The following PLXDC2 variants were observed in gnomAD, a reference collection of about 807,000 sequenced individuals.
The protein encoded by PLXDC2 is plexin domain-containing protein 2.
Under a neutral mutation model 68.9 loss-of-function variants are expected in PLXDC2, and 40 were observed. The observed-to-expected ratio is 0.58, with a 90% CI of 0.45 to 0.76. PLXDC2 has a LOEUF of 0.76. Ranked by LOEUF, PLXDC2 falls within the 30% of genes least tolerant of loss-of-function variation. The pLI is 0.00. For synonymous variants in PLXDC2, 243 were observed against 234.2 expected (o/e 1.04, Z -0.34); for missense variants, 644 against 661.9 (o/e 0.97, Z 0.30).
At chr10:19,946,612 A>G (rs10764179) in intron 1 of PLXDC2, among the ~76,000 whole-genome samples, 127,000 of 151,338 alleles carry the variant, frequency 0.84, 53,464 homozygotes, top group East Asian at 0.95. Context: ...CCAGAGACCG[A>G]TTTTGTGAAA....
intron 9 of PLXDC2, among the ~76,000 whole-genome samples, chr10:20,195,395 A>G (rs1196917437): frequency 6.6e-6 from 1 of 152,144 alleles, no homozygotes; most frequent in Non-Finnish European, 1.5e-5. Flanking sequence ...ATCAACCGTG[A>G]TTAGAAATAC....
At chr10:20,157,370 A>G (rs1311921892) in intron 6 of PLXDC2, among the ~76,000 whole-genome samples, 2 of 152,338 alleles carry the variant, frequency 1.3e-5, no homozygotes, top group East Asian at 1.9e-4. Flanking sequence ...CACATACTAT[A>G]CAATCAAACC....
intron 9 of PLXDC2, among the ~76,000 whole-genome samples, chr10:20,202,207 A>C (rs181733945): frequency 6.6e-6 from 1 of 152,182 alleles, no homozygotes; most frequent in African/African-American, 2.4e-5. Flanking sequence ...AAAAGGAATC[A>C]TTGCAACAAA....
chr10:20,058,530 A>G (rs9664243), intron 3 of PLXDC2, among the ~76,000 whole-genome samples: 35,643 of 152,156 alleles, frequency 0.23, 5,604 homozygotes, highest in African/African-American at 0.45. Context: ...AATACCTAGC[A>G]TAGTGTCCAA....
chr10:20,220,202 A>G (rs1835190943), intron 12 of PLXDC2, among the ~76,000 whole-genome samples: 1 of 152,216 alleles, frequency 6.6e-6, no homozygotes, highest in African/African-American at 2.4e-5. Flanking sequence ...AGAAATGATC[A>G]TCTGCAAAAT....
intron 1 of PLXDC2, among the ~76,000 whole-genome samples, chr10:19,981,908 T>C (rs568098177): frequency 6.6e-6 from 1 of 152,356 alleles, no homozygotes; most frequent in Admixed American, 6.5e-5. Flanking sequence ...ATTGTAAAGC[T>C]TTCTTGTGAA....
intron 1 of PLXDC2, among the ~76,000 whole-genome samples, chr10:19,981,660 G>T (rs74122128): frequency 0.025 from 3,830 of 152,284 alleles, 165 homozygotes; most frequent in African/African-American, 0.087. Context: ...AGTCAGGCTG[G>T]TGGGTGACAA....
intron 4 of PLXDC2, among the ~76,000 whole-genome samples, chr10:20,082,831 C>T (rs1836594475): frequency 6.6e-6 from 1 of 151,964 alleles, no homozygotes; most frequent in Non-Finnish European, 1.5e-5. Flanking sequence ...ACTGGGAACC[C>T]ATAGAGTAGA....
At chr10:19,856,618 C>T (rs1198784105) in intron 1 of PLXDC2, among the ~76,000 whole-genome samples, 5 of 152,136 alleles carry the variant, frequency 3.3e-5, no homozygotes, top group African/African-American at 9.7e-5. Context: ...ATGCTCATTT[C>T]GTCTTTTTAC....
At chr10:20,059,747 C>A (rs969903428) in intron 3 of PLXDC2, among the ~76,000 whole-genome samples, 4 of 151,910 alleles carry the variant, frequency 2.6e-5, no homozygotes, top group Non-Finnish European at 5.9e-5. Flanking sequence ...TCTGTCAACT[C>A]CTCCCAGAGT....
rs1259205620 is a variant in PLXDC2, at chr10:20,001,935, C to A, written c.273C>A (p.Ser91Arg). ...GCCAAGACTCTCCTGAGCCCAGAAG[C>A]TTCACAGACCTGCTGCTGGATGATG... The part of the protein sequence containing the change: ...SVGQDSPEPR[S>R]FTDLLLDDGQ... Residue 91 changes from serine (S) to arginine (R), a missense_variant, in exon 2 of 14, where the codon AGC becomes AGA. Ser to Arg is a moderately radical substitution (Grantham distance 110, BLOSUM62 -1). This residue lies in a region of PLXDC2 where 201 missense variants were observed against 166.9 expected (regional missense o/e 1.20). Coordinates refer to ENST00000377252, the MANE Select transcript of PLXDC2 (RefSeq NM_032812.9). 1.2e-6 allele frequency: 2 copies of A among 1,613,034 alleles called. No homozygotes were observed. Among genetic ancestry groups the A allele is most frequent in the African/African-American group, 2.7e-5 (2 of 74,866 alleles).
rs1463419365 is a variant in PLXDC2, at chr10:20,044,224, T to TCTTTCTTTC, written c.325-2644_325-2636dup. On this transcript the variant is annotated intron_variant, in intron 2 of 13. Transcript: ENST00000377252. ...CTCTCTCTCTCTGTCTTTCTTTCTT[T>TCTTTCTTTC]CTTTCTTTCTTTCTTTCTTTCTTTC... Among the ~76,000 whole-genome samples the TCTTTCTTTC allele has an allele frequency of 3.9e-3, 132 of 34,250 alleles. 2 individuals carry two copies. Among genetic ancestry groups the TCTTTCTTTC allele is most frequent in the African/African-American group, 0.022 (127 of 5,676 alleles). The allele number at this position is 34,250 out of a possible 152,430, so 22.5% of individuals were successfully genotyped here.
chr10:20,044,211 GTCTTTCTT>G (rs1226746835), intron 2 of PLXDC2, among the ~76,000 whole-genome samples: 7,403 of 68,022 alleles, frequency 0.11, 568 homozygotes, highest in Non-Finnish European at 0.13. Flanking sequence ...CTCTCTCTCT[GTCTTTCTT>G]TCTTTCTTTC....
chr10:20,001,712 A>T (rs898231303), intron 1 of PLXDC2, 63 bp from the exon 2 acceptor site: 1 of 1,463,280 alleles, frequency 6.8e-7, no homozygotes, highest in African/African-American at 1.4e-5. Flanking sequence ...TCTCGAGCCG[A>T]TAGCACTTGC....
intron 2 of PLXDC2, among the ~76,000 whole-genome samples, chr10:20,025,268 CT>C (rs56863692): frequency 0.72 from 103,855 of 144,952 alleles, 37,377 homozygotes; most frequent in East Asian, 0.84. Context: ...GTTTTTTCGA[CT>C]TTTTTTTTTT....
Position 20,285,247 on chromosome 10 carries a change from C to T in PLXDC2, c.*5428C>T, listed in dbSNP as rs1381139609. On this transcript the variant is annotated 3_prime_UTR_variant, in exon 14 of 14. Coordinates refer to ENST00000377252, the MANE Select transcript of PLXDC2 (RefSeq NM_032812.9). ...TACCTTATGTTTGTGAAGCATTTTACATTTTACAGAGCACTTTGATTCATC... is the reference window on the plus strand; with the variant it reads ...TACCTTATGTTTGTGAAGCATTTTATATTTTACAGAGCACTTTGATTCATC... 1 of 152,168 alleles carries T rather than the reference C, an allele frequency of 6.6e-6. No individual in the cohort carries two copies. Among genetic ancestry groups the T allele is most frequent in the Non-Finnish European group, 1.5e-5 (1 of 68,016 alleles). The allele number at this position is 152,168 out of a possible 1,614,324, so 9.4% of individuals were successfully genotyped here.
chr10:19,827,833 A>G (rs1190375244), intron 1 of PLXDC2, among the ~76,000 whole-genome samples: 2 of 152,182 alleles, frequency 1.3e-5, no homozygotes, highest in Non-Finnish European at 2.9e-5. Context: ...TGCTGGGATT[A>G]CAGACATGAG....
intron 13 of PLXDC2, among the ~76,000 whole-genome samples, chr10:20,252,199 G>A (rs990927614): frequency 1.3e-5 from 2 of 152,162 alleles, no homozygotes; most frequent in Non-Finnish European, 2.9e-5. Context: ...GTATAGACCT[G>A]TGCTGTCAAT....
chr10:20,080,937 A>G (rs1198889411), intron 4 of PLXDC2, among the ~76,000 whole-genome samples: 1 of 152,208 alleles, frequency 6.6e-6, no homozygotes. Context: ...TTCAGTGTGG[A>G]TTGGCCTAAG....
Sources: allele counts gnomAD v4.1 joint callset (sites outside exome capture counted in the v4.1 genomes callset), GRCh38; gene constraint gnomAD v4.1.1; regional missense constraint gnomAD v4.1.1; transcripts MANE v1.5; gene names NCBI Gene and HGNC (gene_info 2026-07-23, HGNC 2026-07-21).